The following HS3ST4 variants were observed in gnomAD, a reference collection of about 807,000 sequenced individuals.
HS3ST4 encodes the protein heparan sulfate glucosamine 3-O-sulfotransferase 4.
A neutral mutation model predicts 29.2 loss-of-function variants in HS3ST4; 17 were observed. That is an observed-to-expected ratio of 0.58 (90% CI 0.40 to 0.87). HS3ST4 has a LOEUF of 0.87. HS3ST4 is among the 40% of genes least tolerant of loss of function. The probability of loss-of-function intolerance (pLI) is 0.00; values close to 1 mark genes in which losing one functional copy is unlikely to be tolerated. For missense variants in HS3ST4, 627 were observed against 634.5 expected, an observed-to-expected ratio of 0.99 and a Z score of 0.13; for synonymous variants, 314 against 285.7, an observed-to-expected ratio of 1.10 and a Z score of -1.00.
intron 1 of HS3ST4, among the ~76,000 whole-genome samples, chr16:25,941,188 G>A (rs1289459122): frequency 2.0e-5 from 3 of 152,018 alleles, no homozygotes. Flanking sequence ...GTTTTGAGAC[G>A]GAGTTTCGCC....
chr16:25,877,330 T>A (rs1380295459), intron 1 of HS3ST4, among the ~76,000 whole-genome samples: 2 of 152,120 alleles, frequency 1.3e-5, no homozygotes, highest in East Asian at 3.9e-4. Flanking sequence ...CTAAGTCCAA[T>A]GACTGGTGTA....
At chr16:26,041,919 G>A (rs1462878480) in intron 1 of HS3ST4, among the ~76,000 whole-genome samples, 1 of 152,224 alleles carries the variant, frequency 6.6e-6, no homozygotes, top group African/African-American at 2.4e-5. Context: ...GATCTCGGGA[G>A]AGTCTGCTTC....
intron 1 of HS3ST4, among the ~76,000 whole-genome samples, chr16:25,905,087 T>C (rs1968166432): frequency 6.6e-6 from 1 of 152,108 alleles, no homozygotes; most frequent in Non-Finnish European, 1.5e-5. Context: ...GATTTAATGC[T>C]GGAGTATAGA....
At chr16:25,873,431 AATCCATCC>A (rs1342939679) in intron 1 of HS3ST4, among the ~76,000 whole-genome samples, 1 of 51,940 alleles carries the variant, frequency 1.9e-5, no homozygotes, top group African/African-American at 6.8e-5. Context: ...TCCATCCATT[AATCCATCC>A]ATCCATCCAC....
At chr16:25,764,185 T>TGCAGGGAGGTGCTCACAG (rs1332888106) in intron 1 of HS3ST4, among the ~76,000 whole-genome samples, 1 of 152,150 alleles carries the variant, frequency 6.6e-6, no homozygotes, top group Non-Finnish European at 1.5e-5. Context: ...ATTGGGACAT[T>TGCAGGGAGGTGCTCACAG]GCAGGGAGGT....
At chr16:26,106,575 C>A (rs555897747) in intron 1 of HS3ST4, among the ~76,000 whole-genome samples, 1 of 152,220 alleles carries the variant, frequency 6.6e-6, no homozygotes, top group Non-Finnish European at 1.5e-5. Context: ...TCAAACCAAC[C>A]CTCTGGTGAG....
intron 1 of HS3ST4, among the ~76,000 whole-genome samples, chr16:26,048,650 G>C (rs1898298040): frequency 6.6e-6 from 1 of 151,974 alleles, no homozygotes; most frequent in Admixed American, 6.6e-5. Context: ...AACATAGTGA[G>C]ACCCCCATCT....
In HS3ST4 at chr16:25,818,451, C is replaced by T. The variant is rs928787450; in HGVS notation, c.734+125300C>T. On this transcript the variant is annotated intron_variant, in intron 1 of 1. Transcript: ENST00000331351. The stretch of plus-strand genomic sequence containing the variant: ...CTCTGGAACCATGAGAAATAAACTT[C>T]TGTTGTTTAAAAGCTACTCAGTTTC... 2.0e-5 allele frequency among the ~76,000 whole-genome samples: 3 copies of T among 152,186 alleles called. No individual in the cohort carries two copies. In the East Asian group the frequency reaches 5.8e-4, roughly 29 times the overall value.
At chr16:25,969,100 G>C (rs1349824601) in intron 1 of HS3ST4, among the ~76,000 whole-genome samples, 1 of 152,188 alleles carries the variant, frequency 6.6e-6, no homozygotes, top group Non-Finnish European at 1.5e-5. Flanking sequence ...TTACAGGCGT[G>C]AGCCACCATG....
intron 1 of HS3ST4, among the ~76,000 whole-genome samples, chr16:26,044,664 G>T (rs1484695968): frequency 6.6e-6 from 1 of 152,172 alleles, no homozygotes. Context: ...GGATGGGCAA[G>T]CTAGGGATAC....
chr16:25,780,506 A>T (rs1269180018), intron 1 of HS3ST4, among the ~76,000 whole-genome samples: 1 of 152,180 alleles, frequency 6.6e-6, no homozygotes, highest in Non-Finnish European at 1.5e-5. Context: ...TAAATAAAGG[A>T]TCATTATTAT....
intron 1 of HS3ST4, among the ~76,000 whole-genome samples, chr16:26,072,745 G>A (rs1898616264): frequency 6.6e-6 from 1 of 152,188 alleles, no homozygotes; most frequent in Non-Finnish European, 1.5e-5. Flanking sequence ...GAATAGTAAT[G>A]TAACACTAGT....
chr16:25,910,343 A>G, intron 1 of HS3ST4, among the ~76,000 whole-genome samples: 1 of 152,144 alleles, frequency 6.6e-6, no homozygotes. Context: ...GAGTTTATAT[A>G]ATAAACATCA....
chr16:25,786,448 G>GT (rs1966857815), intron 1 of HS3ST4, among the ~76,000 whole-genome samples: 1 of 152,194 alleles, frequency 6.6e-6, no homozygotes, highest in African/African-American at 2.4e-5. Context: ...TCTGCAGATA[G>GT]TAAGTACTCA....
At chr16:25,768,543 A>G (rs1966835764) in intron 1 of HS3ST4, among the ~76,000 whole-genome samples, 1 of 152,096 alleles carries the variant, frequency 6.6e-6, no homozygotes, top group Admixed American at 6.5e-5. Context: ...AGGGATGTAG[A>G]TTGGACATTT....
intron 1 of HS3ST4, among the ~76,000 whole-genome samples, chr16:26,083,510 T>A (rs1484778723): frequency 6.6e-6 from 1 of 152,208 alleles, no homozygotes; most frequent in African/African-American, 2.4e-5. Context: ...CCAGGTGGTA[T>A]ATATATTAGA....
intron 1 of HS3ST4, among the ~76,000 whole-genome samples, chr16:26,099,064 A>C (rs557650468): frequency 6.6e-6 from 1 of 152,354 alleles, no homozygotes; most frequent in African/African-American, 2.4e-5. Flanking sequence ...CCTATTAGGT[A>C]GGCAATATCA....
intron 1 of HS3ST4, among the ~76,000 whole-genome samples, chr16:25,723,695 T>G (rs750723669): frequency 2.0e-5 from 3 of 152,264 alleles, no homozygotes; most frequent in Non-Finnish European, 1.5e-5. Context: ...CTTTTCTTCT[T>G]CAGCCTAGAA....
chr16:25,777,450 C>T (rs544624952), intron 1 of HS3ST4, among the ~76,000 whole-genome samples: 10 of 145,982 alleles, frequency 6.9e-5, no homozygotes, highest in Admixed American at 1.3e-4. Context: ...TGTGTGTGCA[C>T]GTCCGTGTGT....
Sources: allele counts gnomAD v4.1 joint callset (sites outside exome capture counted in the v4.1 genomes callset), GRCh38; gene constraint gnomAD v4.1.1; transcripts MANE v1.5; gene names NCBI Gene and HGNC (gene_info 2026-07-23, HGNC 2026-07-21).